ITPR2: variants seen among roughly 807,000 people sequenced by gnomAD.
ITPR2 encodes the protein inositol 1,4,5-trisphosphate-gated calcium channel ITPR2.
Under a neutral mutation model 317.1 loss-of-function variants are expected in ITPR2, and 207 were observed. That is an observed-to-expected ratio of 0.65 (90% CI 0.58 to 0.73). ITPR2 has a LOEUF of 0.73. Ranked by LOEUF, ITPR2 falls within the 30% of genes least tolerant of loss-of-function variation. The probability of loss-of-function intolerance (pLI) is 0.00; values close to 1 mark genes in which losing one functional copy is unlikely to be tolerated. For synonymous variants in ITPR2, 1,156 were observed against 1,149.1 expected, an observed-to-expected ratio of 1.01 and a Z score of -0.12; for missense variants, 2,613 against 3,284.0, an observed-to-expected ratio of 0.80 and a Z score of 4.99.
rs183658791 is a variant in ITPR2 at position 26,432,488 on chromosome 12, T to A, written c.6769+3733A>T. Among the ~76,000 whole-genome samples, 8 of 151,410 alleles carry A rather than the reference T, an allele frequency of 5.3e-5. No homozygotes were observed. The East Asian group carries it at 1.5e-3, about 29-fold the overall frequency. Reference sequence around the variant, plus strand: ...CTTAGCTAAAGTGATCACTTTAAAGTTATTATTTTTCCTTTCATAATTAAG... The same window carrying A: ...CTTAGCTAAAGTGATCACTTTAAAGATATTATTTTTCCTTTCATAATTAAG... On this transcript the variant is annotated intron_variant, in intron 48 of 56. Transcript: ENST00000381340.
chr12:26,719,436 TATGTAAGAGCC>T (rs1450721939), intron 5 of ITPR2, among the ~76,000 whole-genome samples: 1 of 152,208 alleles, frequency 6.6e-6, no homozygotes, highest in Non-Finnish European at 1.5e-5. Flanking sequence ...CTGTTGATTC[TATGTAAGAGCC>T]ATGTAAGATT....
intron 11 of ITPR2, 26 bp from the exon 12 acceptor site, chr12:26,682,699 C>A (rs1592033571): frequency 6.9e-7 from 1 of 1,445,128 alleles, no homozygotes; most frequent in Non-Finnish European, 9.6e-7. Flanking sequence ...TATAAAAAAA[C>A]AAATTATAAA....
At chr12:26,494,362 A>G in intron 38 of ITPR2, 22 bp from the exon 39 acceptor site, 1 of 1,524,366 alleles carries the variant, frequency 6.6e-7, no homozygotes, top group Non-Finnish European at 9.0e-7. Flanking sequence ...AAAAATAAAT[A>G]AATAAACCTT....
chr12:26,646,840 C>G (rs796300976), intron 21 of ITPR2, among the ~76,000 whole-genome samples: 2 of 151,944 alleles, frequency 1.3e-5, no homozygotes, highest in Non-Finnish European at 2.9e-5. Context: ...AACATATATA[C>G]CAACAAAAAG....
intron 52 of ITPR2, 74 bp downstream of exon 52, chr12:26,411,246 A>T: frequency 2.1e-6 from 2 of 930,614 alleles, no homozygotes; most frequent in Non-Finnish European, 3.5e-6. Flanking sequence ...CAATTCCCTA[A>T]GAGGTAATAA....
At chr12:26,486,803 C>T (rs1942679927) in intron 40 of ITPR2, 1 of 626,490 alleles carries the variant, frequency 1.6e-6, no homozygotes, top group Non-Finnish European at 3.0e-6. Context: ...AGATTTGGGG[C>T]AGTTACTATT....
chr12:26,661,780 C>T (rs2136917131), intron 15 of ITPR2, among the ~76,000 whole-genome samples: 1 of 152,240 alleles, frequency 6.6e-6, no homozygotes, highest in African/African-American at 2.4e-5. Context: ...CCTCTCATTT[C>T]CCTTCCCCAC....
intron 13 of ITPR2, among the ~76,000 whole-genome samples, chr12:26,670,543 C>A (rs1484725426): frequency 6.6e-6 from 1 of 152,138 alleles, no homozygotes; most frequent in African/African-American, 2.4e-5. Flanking sequence ...ACCAAAAACC[C>A]ATCTGTACAT....
At chr12:26,665,185 A>C (rs1947597021) in intron 14 of ITPR2, among the ~76,000 whole-genome samples, 1 of 152,260 alleles carries the variant, frequency 6.6e-6, no homozygotes, top group Non-Finnish European at 1.5e-5. Flanking sequence ...AGAATATTGT[A>C]CAGAGCACTC....
chr12:26,545,238 C>T (rs1012080481), intron 37 of ITPR2, among the ~76,000 whole-genome samples: 2 of 152,102 alleles, frequency 1.3e-5, no homozygotes, highest in East Asian at 1.9e-4. Flanking sequence ...AAAAGGGATT[C>T]GGCAGGTGTG....
chr12:26,761,695 A>G (rs775338831), intron 2 of ITPR2, among the ~76,000 whole-genome samples: 3 of 152,180 alleles, frequency 2.0e-5, no homozygotes, highest in Non-Finnish European at 4.4e-5. Flanking sequence ...TACTCAGGAG[A>G]CTGAGGCAGG....
At chr12:26,630,443 GGGGA>G (rs1946722529) in intron 22 of ITPR2, among the ~76,000 whole-genome samples, 1 of 145,172 alleles carries the variant, frequency 6.9e-6, no homozygotes, top group African/African-American at 2.6e-5. Context: ...AAGTGATGGG[GGGGA>G]AAAAAAAAAA....
intron 55 of ITPR2, among the ~76,000 whole-genome samples, chr12:26,382,661 T>TCACA (rs371539515): frequency 1.5e-5 from 2 of 129,968 alleles, no homozygotes; most frequent in African/African-American, 5.0e-5. Flanking sequence ...CAAGAATTTG[T>TCACA]CACACACACA....
chr12:26,429,524 C>G (rs936920028), intron 48 of ITPR2, among the ~76,000 whole-genome samples: 1 of 152,164 alleles, frequency 6.6e-6, no homozygotes, highest in African/African-American at 2.4e-5. Flanking sequence ...TGACCACCAA[C>G]TGCCCTGACC....
At chr12:26,522,409 C>T (rs1285362931) in intron 37 of ITPR2, among the ~76,000 whole-genome samples, 2 of 152,302 alleles carry the variant, frequency 1.3e-5, no homozygotes, top group South Asian at 4.1e-4. Context: ...ACGCTTTACA[C>T]ATAATAAATC....
At chr12:26,832,646 G>A in intron 1 of ITPR2, 44 bp downstream of exon 1, 1 of 1,454,570 alleles carries the variant, frequency 6.9e-7, no homozygotes, top group East Asian at 2.6e-5. Flanking sequence ...CTGGTTCCCA[G>A]GACCCGGAGC....
chr12:26,574,811 C>T (rs967801843), intron 34 of ITPR2, among the ~76,000 whole-genome samples: 3 of 151,942 alleles, frequency 2.0e-5, no homozygotes, highest in Non-Finnish European at 2.9e-5. Flanking sequence ...AGCAAGGAGT[C>T]GGGGCAAGTC....
intron 28 of ITPR2, among the ~76,000 whole-genome samples, chr12:26,600,314 T>C (rs1033331783): frequency 4.6e-5 from 7 of 152,110 alleles, no homozygotes; most frequent in Non-Finnish European, 1.0e-4. Context: ...CTTCTCTTGG[T>C]TATTCCTCCT....
At chr12:26,587,311 G>A (rs1475278497) in intron 32 of ITPR2, among the ~76,000 whole-genome samples, 2 of 150,906 alleles carry the variant, frequency 1.3e-5, no homozygotes, top group Admixed American at 6.6e-5. Flanking sequence ...GTAAATGTCA[G>A]GTGGTAATAA....
Sources: gnomAD v4.1 joint callset for allele counts (sites outside exome capture counted in the v4.1 genomes callset) on GRCh38, gnomAD v4.1.1 for gene constraint, MANE v1.5 for transcripts, NCBI Gene and HGNC (gene_info 2026-07-23, HGNC 2026-07-21) for gene names.